PPP1R7: variants seen among roughly 807,000 people sequenced by gnomAD.
PPP1R7 encodes the protein protein phosphatase 1 regulatory subunit 7, also known as protein phosphatase 1 regulatory subunit 22.
Under a neutral mutation model 45.2 loss-of-function variants are expected in PPP1R7, and 18 were observed. That is an observed-to-expected ratio of 0.40 (90% CI 0.28 to 0.59). The LOEUF (loss-of-function observed/expected upper bound fraction) is 0.59. Among genes scored for constraint, PPP1R7 ranks in the 20% least tolerant of loss-of-function variants. The pLI, the probability that PPP1R7 is intolerant of heterozygous loss-of-function variation, is 0.46. For missense variants in PPP1R7, 314 were observed against 455.8 expected (o/e 0.69, Z 2.83); for synonymous variants, 181 against 183.4 (o/e 0.99, Z 0.11).
chr2:241,150,136 A>G, upstream of PPP1R7: 1 of 1,269,936 alleles, frequency 7.9e-7, no homozygotes, highest in Non-Finnish European at 9.9e-7. Flanking sequence ...CGAGGTCGAG[A>G]CAGTGACATA....
intron 9 of PPP1R7, among the ~76,000 whole-genome samples, chr2:241,176,771 A>G (rs1357947837): frequency 1.3e-5 from 2 of 152,180 alleles, no homozygotes; most frequent in Non-Finnish European, 2.9e-5. Context: ...ATATCTCATT[A>G]ACTTTTAAAA....
intron 2 of PPP1R7, among the ~76,000 whole-genome samples, chr2:241,155,901 T>C (rs1158685433): frequency 6.6e-6 from 1 of 152,272 alleles, no homozygotes; most frequent in Admixed American, 6.5e-5. Context: ...CTCTTGGTTT[T>C]GCCCAGTTCC....
intron 9 of PPP1R7, among the ~76,000 whole-genome samples, chr2:241,171,348 C>T (rs1420961938): frequency 5.3e-5 from 8 of 152,290 alleles, no homozygotes; most frequent in South Asian, 2.1e-4. Flanking sequence ...ATTTGCACAG[C>T]GCTTTATGGT....
chr2:241,182,232 G>A (rs930058629), intron 9 of PPP1R7, among the ~76,000 whole-genome samples: 3 of 152,218 alleles, frequency 2.0e-5, no homozygotes, highest in African/African-American at 4.8e-5. Context: ...TAAGTAGAGC[G>A]GCCTCTGTCT....
In PPP1R7 at chr2:241,182,682, C is replaced by A; in HGVS notation, c.942C>A (p.Leu314=). 2 of 1,614,184 alleles carry A rather than the reference C, an allele frequency of 1.2e-6. No homozygotes were observed. Residue 314 remains leucine, a synonymous_variant, in exon 10 of 10, where the codon CTC becomes CTA. Transcript: ENST00000234038. ...NDNLLESWSD[L]DELKGARSLE... is the part of the protein sequence containing the mutation. ...ATCTCCTTGAGAGCTGGAGCGACCTCGACGAGCTGAAGGGAGCCAGGAGCC... is the reference window on the plus strand; with the variant it reads ...ATCTCCTTGAGAGCTGGAGCGACCTAGACGAGCTGAAGGGAGCCAGGAGCC...
chr2:241,156,684 AT>A (rs967347049), intron 2 of PPP1R7, among the ~76,000 whole-genome samples: 2 of 151,082 alleles, frequency 1.3e-5, no homozygotes, highest in African/African-American at 2.5e-5. Context: ...TTAAAAAAAA[AT>A]TAATTTAAAA....
chr2:241,154,179 CAAAA>C (rs1167747738), intron 2 of PPP1R7, among the ~76,000 whole-genome samples: 1,449 of 50,386 alleles, frequency 0.029, 9 homozygotes, highest in African/African-American at 0.093. Context: ...TACTCCTTCT[CAAAA>C]AAAAAAAAAA....
In PPP1R7 at chr2:241,183,069, T is replaced by G. The variant is rs996876443; in HGVS notation, c.*246T>G. On this transcript the variant is annotated 3_prime_UTR_variant, in exon 10 of 10. Transcript: ENST00000234038. ...AGTTATTGTAGCCACAGAGAGAACATAAGACACGTTGCGTTCATTCGCTAG... is the reference window on the plus strand; with the variant it reads ...AGTTATTGTAGCCACAGAGAGAACAGAAGACACGTTGCGTTCATTCGCTAG... 4 of 552,696 alleles carry G rather than the reference T, an allele frequency of 7.2e-6. No individual in the cohort carries two copies. The highest frequency in any genetic ancestry group is 1.3e-5 in the Non-Finnish European group (4 of 308,072). The allele number at this position is 552,696 out of a possible 1,614,324, so 34.2% of individuals were successfully genotyped here.
intron 9 of PPP1R7, among the ~76,000 whole-genome samples, chr2:241,180,661 C>G (rs2067987269): frequency 6.6e-6 from 1 of 152,030 alleles, no homozygotes; most frequent in Admixed American, 6.6e-5. Flanking sequence ...GTTGCAGGCT[C>G]TGCACTGGCC....
At chr2:241,158,331 C>G in intron 3 of PPP1R7, 153 bp from the exon 4 acceptor site, 1 of 680,982 alleles carries the variant, frequency 1.5e-6, no homozygotes, top group South Asian at 1.7e-5. Flanking sequence ...CAAAGAGCCC[C>G]CGCAGCACAC....
chr2:241,154,063 C>G (rs2067385159), intron 2 of PPP1R7, among the ~76,000 whole-genome samples: 1 of 150,708 alleles, frequency 6.6e-6, no homozygotes, highest in African/African-American at 2.4e-5. Context: ...GCCTGTAATC[C>G]CAGTTACTCA....
At chr2:241,150,451 A>G, upstream of PPP1R7, 1 of 1,384,276 alleles carries the variant, frequency 7.2e-7, no homozygotes, top group African/African-American at 1.5e-5. Flanking sequence ...TGATTGGCTG[A>G]GGGGTCTGAG....
intron 6 of PPP1R7, 54 bp downstream of exon 6, chr2:241,160,548 G>A: frequency 2.0e-6 from 3 of 1,468,900 alleles, no homozygotes; most frequent in South Asian, 2.7e-5. Flanking sequence ...CTAGCGGGCT[G>A]TGTGTGGACT....
intron 9 of PPP1R7, among the ~76,000 whole-genome samples, chr2:241,179,462 T>C (rs2067964074): frequency 6.6e-6 from 1 of 152,186 alleles, no homozygotes; most frequent in Admixed American, 6.5e-5. Flanking sequence ...ACTTTGAGTT[T>C]ATGGGAAGTG....
chr2:241,150,307 C>A, upstream of PPP1R7: 1 of 1,336,518 alleles, frequency 7.5e-7, no homozygotes. Context: ...ATTACCTGCT[C>A]TGGGGGAGGC....
intron 9 of PPP1R7, among the ~76,000 whole-genome samples, chr2:241,173,894 C>T (rs1177032502): frequency 2.7e-5 from 4 of 149,026 alleles, no homozygotes; most frequent in African/African-American, 9.9e-5. Flanking sequence ...TTTTTCTCAA[C>T]TCTAAAAGAA....
rs139312046 is a variant in PPP1R7, at chr2:241,182,787, C to T, written c.1047C>T (p.Ser349=). 1.1e-5 allele frequency: 18 copies of T among 1,613,772 alleles called. No individual in the cohort carries two copies. The highest frequency in any genetic ancestry group is 1.7e-5 in the Admixed American group (1 of 59,992). ...YRRKVMLALP[S]VRQIDATFVR... Reference sequence around the variant, plus strand: ...GGAAGGTCATGCTCGCCCTCCCCTCCGTGCGGCAGATCGATGCCACGTTCG... The same window carrying T: ...GGAAGGTCATGCTCGCCCTCCCCTCTGTGCGGCAGATCGATGCCACGTTCG... The change falls in exon 10 of 10, where the codon TCC becomes TCT. Residue 349 remains serine, a synonymous_variant. Coordinates refer to ENST00000234038, the MANE Select transcript of PPP1R7 (RefSeq NM_002712.3).
In PPP1R7 at chr2:241,183,379, A is replaced by T. The variant is rs1256533375; in HGVS notation, c.*556A>T. The stretch of plus-strand genomic sequence containing the variant: ...AGCCCTGTGTGCTTGTGTTCCTTAG[A>T]GCTCTCCTTCAAAGAGCGCCGGGCA... On this transcript the variant is annotated 3_prime_UTR_variant, in exon 10 of 10. Coordinates refer to ENST00000234038, the MANE Select transcript of PPP1R7 (RefSeq NM_002712.3). 2.1e-6 allele frequency: 1 copy of T among 471,164 alleles called. No individual in the cohort carries two copies. The highest frequency in any genetic ancestry group is 1.5e-5 in the South Asian group (1 of 64,566). The allele number at this position is 471,164 out of a possible 1,614,324, so 29.2% of individuals were successfully genotyped here.
upstream of PPP1R7, chr2:241,150,426 C>G: frequency 7.1e-7 from 1 of 1,408,402 alleles, no homozygotes. Flanking sequence ...AGGGCCGGCT[C>G]TGAGGCGGGA....
Sources: gnomAD v4.1 joint callset for allele counts (sites outside exome capture counted in the v4.1 genomes callset) on GRCh38, gnomAD v4.1.1 for gene constraint, MANE v1.5 for transcripts, NCBI Gene and HGNC (gene_info 2026-07-23, HGNC 2026-07-21) for gene names.